The following A1BG variants were observed in gnomAD, a reference collection of about 807,000 sequenced individuals.
A1BG encodes alpha-1-B glycoprotein, also known as alpha-1B-glycoprotein.
A neutral mutation model predicts 46.0 loss-of-function variants in A1BG; 44 were observed. That is an observed-to-expected ratio of 0.96 (90% CI 0.75 to 1.23). The LOEUF (loss-of-function observed/expected upper bound fraction) is 1.23. A1BG is among the 50% of genes most tolerant of loss of function. A1BG has a pLI of 0.00. For synonymous variants in A1BG, 316 were observed against 314.7 expected (o/e 1.00, Z -0.04); for missense variants, 707 against 688.8 (o/e 1.03, Z -0.30).
chr19:58,351,086 G>C lies in A1BG; in HGVS notation c.910+305C>G, dbSNP rs187405478. ...ACCATCAGGTCCAAGGCAAGCGAGCGGAGGAGCTGCCTCAGCAGAGGCCCT... is the reference window on the plus strand; with the variant it reads ...ACCATCAGGTCCAAGGCAAGCGAGCCGAGGAGCTGCCTCAGCAGAGGCCCT... On this transcript the variant is annotated intron_variant, in intron 5 of 7. Transcript: ENST00000263100. 1,959 of 515,854 alleles carry C rather than the reference G, an allele frequency of 3.8e-3. 9 individuals are homozygous for C. The highest frequency in any genetic ancestry group is 5.9e-3 in the Non-Finnish European group (1,693 of 285,568). The allele number at this position is 515,854 out of a possible 1,614,324, so 32.0% of individuals were successfully genotyped here.
chr19:58,352,949 G>A lies in A1BG; in HGVS notation c.319C>T (p.Leu107Phe), dbSNP rs1221833866. 2.0e-5 allele frequency: 32 copies of A among 1,613,348 alleles called. No individual in the cohort carries two copies. The Admixed American group carries it at 5.0e-4, about 25-fold the overall frequency. The change falls in exon 3 of 8, where the codon CTC (leucine) becomes TTC (phenylalanine). Residue 107 changes from leucine (L) to phenylalanine (F), a missense_variant. Coordinates refer to ENST00000263100, the MANE Select transcript of A1BG (RefSeq NM_130786.4). Reference protein sequence around the residue: ...LSTGWTQLSKLLELTGPKSLP... With the variant: ...LSTGWTQLSKFLELTGPKSLP... ...TCACTTGGCCCTGTCAGCTCCAGGA[G>A]CTTGCTCAGCTGGGTCCATCCTGTG...
Position 58,346,830 on chromosome 19 carries a change from C to T in A1BG, c.*192G>A, listed in dbSNP as rs1285826686. 2 of 726,696 alleles carry T rather than the reference C, an allele frequency of 2.8e-6. No individual in the cohort carries two copies. Among genetic ancestry groups the T allele is most frequent in the Non-Finnish European group, 5.0e-6 (2 of 402,046 alleles). The allele number at this position is 726,696 out of a possible 1,614,324, so 45.0% of individuals were successfully genotyped here. A position where few individuals can be genotyped will look rare whatever the true frequency, so the allele number is the denominator to read the frequency against. ...TTTGAGGACACGAGATCCCAGCCCA[C>T]TCAGCCCTGGGAGTCCAAAGACATT... On this transcript the variant is annotated 3_prime_UTR_variant, in exon 8 of 8. Transcript: ENST00000263100.
rs755735308 is a variant in A1BG at position 58,347,522 on chromosome 19, C to G, written c.1311G>C (p.Glu437Asp). 1.9e-6 allele frequency: 3 copies of G among 1,581,694 alleles called. No individual in the cohort carries two copies. The highest frequency in any genetic ancestry group is 2.6e-6 in the Non-Finnish European group (3 of 1,163,752). Reference protein sequence around the residue: ...IPDVTFELLREGETKAVKTVR... With the variant: ...IPDVTFELLRDGETKAVKTVR... Reference sequence around the variant, plus strand: ...CCGTCTTCACGGCCTTCGTCTCGCCCTCGCGCAGCAGCTCGAAGGTGACGT... The same window carrying G: ...CCGTCTTCACGGCCTTCGTCTCGCCGTCGCGCAGCAGCTCGAAGGTGACGT... Residue 437 changes from glutamate (E) to aspartate (D), a missense_variant, in exon 7 of 8, where the codon GAG becomes GAC. Glu to Asp is a conservative substitution (Grantham distance 45). Coordinates refer to ENST00000263100, the MANE Select transcript of A1BG (RefSeq NM_130786.4).
In A1BG at chr19:58,350,572, C is replaced by T. The variant is rs1202526899; in HGVS notation, c.990G>A (p.Glu330=). 3.9e-6 allele frequency: 6 copies of T among 1,524,374 alleles called. No homozygotes were observed. The South Asian group carries it at 6.1e-5, about 16-fold the overall frequency. 94.4% of individuals were successfully genotyped at this position (1,524,374 alleles called of 1,614,324 possible). A position where few individuals can be genotyped will look rare whatever the true frequency, so the allele number is the denominator to read the frequency against. The part of the protein sequence containing the change: ...ALRLRCLAPL[E]GARFALVRED... The stretch of plus-strand genomic sequence containing the variant: ...CGCGCACCAGGGCGAAGCGCGCGCC[C>T]TCCAGGGGCGCCAGGCACCGCAGCC... The change falls in exon 6 of 8, where the codon GAG becomes GAA. Residue 330 remains glutamate (E), a synonymous_variant. Transcript: ENST00000263100.
At chr19:58,348,913 G>C (rs1383680314) in intron 6 of A1BG, 2 of 152,366 alleles carry the variant, frequency 1.3e-5, no homozygotes, top group East Asian at 1.9e-4. Flanking sequence ...CAGTGGGACT[G>C]TGTTGTCTTT....
intron 4 of A1BG, 105 bp from the exon 5 acceptor site, chr19:58,351,792 A>ATTTTTTTT (rs1255801696): frequency 1.0e-6 from 1 of 964,974 alleles, no homozygotes; most frequent in African/African-American, 2.1e-5. Context: ...ACACCCTTCC[A>ATTTTTTTT]TTCTTTTTTT....
intron 7 of A1BG, 109 bp from the exon 8 acceptor site, chr19:58,347,138 G>T: frequency 6.9e-7 from 1 of 1,454,934 alleles, no homozygotes; most frequent in Non-Finnish European, 9.4e-7. Context: ...GGAAGCGCGT[G>T]GTCGGCTGCC....
Position 58,345,268 on chromosome 19 carries a change from G to C in A1BG, c.*1754C>G, listed in dbSNP as rs1006437101. On this transcript the variant is annotated 3_prime_UTR_variant, in exon 8 of 8. Transcript: ENST00000263100. ...ATATAGATGGCAACTAAGCACTTGG[G>C]GAAAAAATGCTTAACATCATCAGAC... is the stretch of plus-strand genomic sequence containing the variant. The C allele has an allele frequency of 1.3e-5, 2 of 152,108 alleles. No homozygotes were observed. The highest frequency in any genetic ancestry group is 4.8e-5 in the African/African-American group (2 of 41,396). 9.4% of individuals were successfully genotyped at this position (152,108 alleles called of 1,614,324 possible). A position where few individuals can be genotyped will look rare whatever the true frequency, so the allele number is the denominator to read the frequency against.
intron 6 of A1BG, 143 bp from the exon 7 acceptor site, chr19:58,347,783 G>A (rs1314479175): frequency 2.1e-6 from 1 of 475,486 alleles, no homozygotes; most frequent in Non-Finnish European, 3.3e-6. Context: ...GGGCGCAGAG[G>A]GCTCCTCCGG....
intron 3 of A1BG, 172 bp from the exon 4 acceptor site, chr19:58,352,727 A>G: frequency 8.7e-7 from 1 of 1,152,382 alleles, no homozygotes; most frequent in East Asian, 2.4e-5. Flanking sequence ...AGAGAAAAAG[A>G]GTGTGTGGGA....
At chr19:58,350,980 C>G (rs2051952977) in intron 5 of A1BG, 1 of 427,528 alleles carries the variant, frequency 2.3e-6, no homozygotes, top group Non-Finnish European at 4.2e-6. Flanking sequence ...CTGAGCACCG[C>G]CCCAATGCCC....
chr19:58,352,431 G>A lies in A1BG; in HGVS notation c.465C>T (p.Asp155=). 1 of 1,613,832 alleles carries A rather than the reference G, an allele frequency of 6.2e-7. No homozygotes were observed. Among genetic ancestry groups the A allele is most frequent in the Non-Finnish European group, 8.5e-7 (1 of 1,180,012 alleles). ...GVTFLLRREG[D]HEFLEVPEAQ... is the part of the protein sequence containing the mutation. ...CCTCAGGCACCTCCAGAAACTCATGGTCGCCCTCCCGCCTCAGCAGAAAAG... is the reference window on the plus strand; with the variant it reads ...CCTCAGGCACCTCCAGAAACTCATGATCGCCCTCCCGCCTCAGCAGAAAAG... The change falls in exon 4 of 8, where the codon GAC becomes GAT. Residue 155 remains aspartate (D), a synonymous_variant. Transcript: ENST00000263100.
At chr19:58,350,721 C>G (rs1026243665) in intron 5 of A1BG, 70 bp from the exon 6 acceptor site, 1 of 1,310,502 alleles carries the variant, frequency 7.6e-7, no homozygotes, top group Non-Finnish European at 9.7e-7. Flanking sequence ...GGTCTGGCCT[C>G]GCGCTCTTTG....
chr19:58,350,883 G>A (rs2051951861), intron 5 of A1BG: 1 of 451,708 alleles, frequency 2.2e-6, no homozygotes. Flanking sequence ...ACACAGACGG[G>A]AAGCGGGGAC....
chr19:58,350,371 G>T lies in A1BG; in HGVS notation c.1191C>A (p.Asp397Glu). ...CTCGCTGGTGCCCCGCCAGCTCACCGTCCACGTGCAGCTCCAAGCGCTCGC... is the reference window on the plus strand; with the variant it reads ...CTCGCTGGTGCCCCGCCAGCTCACCTTCCACGTGCAGCTCCAAGCGCTCGC... ...APSERLELHV[D>E]GPPPRPQLRA... Residue 397 changes from aspartate (D) to glutamate (E), a missense_variant and splice_region_variant, in exon 6 of 8, where the codon GAC becomes GAA. Asp to Glu is a conservative substitution (Grantham distance 45). Coordinates refer to ENST00000263100, the MANE Select transcript of A1BG (RefSeq NM_130786.4). The T allele has an allele frequency of 6.5e-7, 1 of 1,539,646 alleles. No individual in the cohort carries two copies. The highest frequency in any genetic ancestry group is 8.8e-7 in the Non-Finnish European group (1 of 1,139,520).
chr19:58,349,671 GA>G (rs1264190091), intron 6 of A1BG: 1 of 149,160 alleles, frequency 6.7e-6, no homozygotes, highest in African/African-American at 2.5e-5. Context: ...AAAAGGAGAA[GA>G]AAAGGGAGGA....
chr19:58,349,085 C>G (rs1485056012), intron 6 of A1BG: 1 of 151,804 alleles, frequency 6.6e-6, no homozygotes, highest in Non-Finnish European at 1.5e-5. Flanking sequence ...GTGGCATGAC[C>G]TGGACTCACT....
chr19:58,352,127 A>G (rs2051965615), intron 4 of A1BG, 156 bp downstream of exon 4: 1 of 1,478,982 alleles, frequency 6.8e-7, no homozygotes, highest in East Asian at 2.4e-5. Context: ...CCTCTGCCCA[A>G]ACTCCTTTGC....
chr19:58,347,488 G>C lies in A1BG; in HGVS notation c.1345C>G (p.Pro449Ala), dbSNP rs995585388. The C allele has an allele frequency of 4.4e-6, 7 of 1,597,308 alleles. No individual in the cohort carries two copies. The African/African-American group carries it at 9.4e-5, about 22-fold the overall frequency. ...ETKAVKTVRT[P>A]GAAANLELIF... Reference sequence around the variant, plus strand: ...AGCTCGAGGTTCGCCGCGGCCCCGGGGGTGCGGACCGTCTTCACGGCCTTC... The same window carrying C: ...AGCTCGAGGTTCGCCGCGGCCCCGGCGGTGCGGACCGTCTTCACGGCCTTC... The change falls in exon 7 of 8, where the codon CCC becomes GCC. Residue 449 changes from proline (P) to alanine (A), a missense_variant. Coordinates refer to ENST00000263100, the MANE Select transcript of A1BG (RefSeq NM_130786.4).
Sources: gnomAD v4.1 joint callset for allele counts on GRCh38, gnomAD v4.1.1 for gene constraint, MANE v1.5 for transcripts, NCBI Gene and HGNC (gene_info 2026-07-23, HGNC 2026-07-21) for gene names.